Variants in SLC47A2 observed in about 807,000 individuals in gnomAD.
The protein encoded by SLC47A2 is solute carrier family 47 member 2.
SLC47A2 carries 52 observed loss-of-function variants against 67.7 expected under a neutral mutation model. That is an observed-to-expected ratio of 0.77 (90% CI 0.61 to 0.97). The LOEUF is 0.97. SLC47A2 is among the 50% of genes least tolerant of loss of function. The pLI is 0.00. For synonymous variants in SLC47A2, 278 were observed against 292.9 expected, an observed-to-expected ratio of 0.95 and a Z score of 0.52; for missense variants, 676 against 712.3, an observed-to-expected ratio of 0.95 and a Z score of 0.58.
intron 13 of SLC47A2, among the ~76,000 whole-genome samples, chr17:19,700,910 A>G (rs2085768906): frequency 6.6e-6 from 1 of 151,994 alleles, no homozygotes; most frequent in Non-Finnish European, 1.5e-5. Flanking sequence ...TCACACCTGT[A>G]ATCCCAGCGC....
intron 10 of SLC47A2, chr17:19,704,745 C>A: frequency 6.6e-7 from 1 of 1,515,214 alleles, no homozygotes; most frequent in East Asian, 2.5e-5. Context: ...GAGCCCATGG[C>A]CCTGCTGGGG....
chr17:19,707,456 G>A (rs113598171), intron 8 of SLC47A2, among the ~76,000 whole-genome samples: 3,912 of 152,298 alleles, frequency 0.026, 169 homozygotes, highest in African/African-American at 0.089. Context: ...GGTATTCCAC[G>A]GGTGTCACTG....
intron 13 of SLC47A2, among the ~76,000 whole-genome samples, chr17:19,695,688 T>C (rs1331018874): frequency 2.0e-5 from 3 of 151,932 alleles, no homozygotes; most frequent in Non-Finnish European, 2.9e-5. Context: ...ATAAATGTTA[T>C]GGGTTGAATT....
chr17:19,711,607 A>AG (rs1199492974), intron 5 of SLC47A2, among the ~76,000 whole-genome samples: 4 of 150,320 alleles, frequency 2.7e-5, no homozygotes, highest in Non-Finnish European at 5.9e-5. Context: ...AAAAAAAAAA[A>AG]AAAAAAAAAG....
chr17:19,696,295 CAA>C (rs397960037), intron 13 of SLC47A2, among the ~76,000 whole-genome samples: 17 of 116,318 alleles, frequency 1.5e-4, no homozygotes, highest in Admixed American at 2.6e-4. Context: ...TACTAAAATA[CAA>C]AAAAAAAAAA....
At chr17:19,713,314 G>A (rs2086150783) in intron 4 of SLC47A2, among the ~76,000 whole-genome samples, 2 of 152,126 alleles carry the variant, frequency 1.3e-5, no homozygotes, top group Non-Finnish European at 2.9e-5. Context: ...CTTGAACCTG[G>A]GAGGCAGAGG....
intron 13 of SLC47A2, among the ~76,000 whole-genome samples, chr17:19,700,777 A>G (rs1567625506): frequency 6.6e-6 from 1 of 151,412 alleles, no homozygotes; most frequent in Non-Finnish European, 1.5e-5. Context: ...AAAAAAAAAA[A>G]AAAAGCAAAG....
chr17:19,711,588 C>CAAAAAAAAAAAAAA lies in SLC47A2; in HGVS notation c.486+1101_486+1114dup, dbSNP rs35308426. Among the ~76,000 whole-genome samples the CAAAAAAAAAAAAAA allele has an allele frequency of 1.9e-3, 64 of 33,004 alleles. 1 individual carries two copies. The highest frequency in any genetic ancestry group is 2.7e-3 in the Non-Finnish European group (45 of 16,582). 21.7% of individuals were successfully genotyped at this position (33,004 alleles called of 152,430 possible). A position where few individuals can be genotyped will look rare whatever the true frequency, so the allele number is the denominator to read the frequency against. On this transcript the variant is annotated intron_variant, in intron 5 of 16. Transcript: ENST00000433844. ...TGGATGACAGAGCAAAACTCCGTCT[C>CAAAAAAAAAAAAAA]AAAAAAAAAAAAAAAAAAAAAAAAA...
intron 1 of SLC47A2, 135 bp from the exon 2 acceptor site, chr17:19,715,352 C>G: frequency 1.4e-6 from 1 of 715,494 alleles, no homozygotes; most frequent in East Asian, 2.7e-5. Context: ...GAAGCCAGGG[C>G]TGGAGGTCGG....
Position 19,702,690 on chromosome 17 carries a change from G to A in SLC47A2, c.1095-16C>T, listed in dbSNP as rs1167248870. The stretch of plus-strand genomic sequence containing the variant: ...AATGACATCTCTGCAGAAGAAATGA[G>A]AAAGCATTAAGACACAGATGTATCC... On this transcript the variant is annotated splice_polypyrimidine_tract_variant and intron_variant, in intron 12 of 16. Transcript: ENST00000433844. 6.2e-7 allele frequency: 1 copy of A among 1,613,450 alleles called. No individual in the cohort carries two copies. The highest frequency in any genetic ancestry group is 8.5e-7 in the Non-Finnish European group (1 of 1,179,780).
intron 5 of SLC47A2, among the ~76,000 whole-genome samples, chr17:19,709,825 T>TC (rs982554283): frequency 6.6e-6 from 1 of 151,884 alleles, no homozygotes; most frequent in Admixed American, 6.6e-5. Context: ...ACAGGGCATT[T>TC]CCCCCCGACC....
chr17:19,708,793 A>G (rs751832563), intron 5 of SLC47A2, 33 bp from the exon 6 acceptor site: 3 of 1,612,876 alleles, frequency 1.9e-6, no homozygotes, highest in East Asian at 2.2e-5. Context: ...CAAATCAACA[A>G]TAATGACCAA....
intron 10 of SLC47A2, 131 bp from the exon 11 acceptor site, chr17:19,704,309 C>T (rs759366775): frequency 7.1e-6 from 5 of 705,388 alleles, no homozygotes; most frequent in South Asian, 2.1e-5. Flanking sequence ...GTAAGAGGCA[C>T]GTCACATTCT....
chr17:19,697,815 G>T (rs2085698206), intron 13 of SLC47A2, among the ~76,000 whole-genome samples: 1 of 149,578 alleles, frequency 6.7e-6, no homozygotes, highest in Admixed American at 6.7e-5. Context: ...GGCTGGTCTT[G>T]ACCTCCCGGG....
At chr17:19,679,016 A>G (rs1172575408) in intron 16 of SLC47A2, 110 bp from the exon 17 acceptor site, 12 of 831,612 alleles carry the variant, frequency 1.4e-5, no homozygotes, top group Non-Finnish European at 2.4e-5. Context: ...GTTACACCTC[A>G]CAAGGGACGA....
intron 3 of SLC47A2, 158 bp downstream of exon 3, chr17:19,714,563 G>T (rs1422988732): frequency 9.0e-6 from 7 of 777,674 alleles, no homozygotes; most frequent in Non-Finnish European, 1.3e-5. Flanking sequence ...TTCCCTGACA[G>T]CCTGTGGTCC....
At position 19,715,215 on chromosome 17, in the gene SLC47A2, G is replaced by A. The variant is rs1268741603; in HGVS notation, c.126C>T (p.Phe42=). Residue 42 remains phenylalanine (F), a splice_region_variant and synonymous_variant, in exon 2 of 17, where the codon TTC becomes TTT. Coordinates refer to ENST00000433844, the MANE Select transcript of SLC47A2 (RefSeq NM_001099646.3). The stretch of plus-strand genomic sequence containing the variant: ...TCATAAAAGTCAGCACCTGGAACAG[G>A]AACTGGAGGACAGCGGCCAGGTCAG... ...WTLFALSGPL[F]LFQVLTFMIY... is the part of the protein sequence containing the mutation. 6.2e-6 allele frequency: 10 copies of A among 1,608,764 alleles called. No homozygotes were observed. The highest frequency in any genetic ancestry group is 8.5e-6 in the Non-Finnish European group (10 of 1,179,924).
At chr17:19,689,346 G>C (rs570846801) in intron 13 of SLC47A2, among the ~76,000 whole-genome samples, 15 of 152,286 alleles carry the variant, frequency 9.8e-5, no homozygotes, top group South Asian at 6.2e-4. Context: ...AAAATCAAGA[G>C]AGTATTCCCA....
chr17:19,714,357 C>T, intron 3 of SLC47A2: 1 of 404,784 alleles, frequency 2.5e-6, no homozygotes, highest in South Asian at 3.6e-5. Context: ...CCCCTGCAAG[C>T]AGGGAGGTTC....
Sources: gnomAD v4.1 joint callset for allele counts (sites outside exome capture counted in the v4.1 genomes callset) on GRCh38, gnomAD v4.1.1 for gene constraint, MANE v1.5 for transcripts, NCBI Gene and HGNC (gene_info 2026-07-23, HGNC 2026-07-21) for gene names.